The following WDFY3 variants were observed in gnomAD, a reference collection of about 807,000 sequenced individuals.
WDFY3 encodes the protein WD repeat and FYVE domain-containing protein 3.
Under a neutral mutation model 409.6 loss-of-function variants are expected in WDFY3, and 66 were observed. That is an observed-to-expected ratio of 0.16 (90% CI 0.13 to 0.20). The LOEUF (loss-of-function observed/expected upper bound fraction) is 0.20, where lower values mean the gene tolerates loss of function less well. Among genes scored for constraint, WDFY3 ranks in the 10% least tolerant of loss-of-function variants. The pLI is 1.00. For missense variants in WDFY3, 3,031 were observed against 4,298.1 expected, an observed-to-expected ratio of 0.71 and a Z score of 8.24; for synonymous variants, 1,521 against 1,537.1, an observed-to-expected ratio of 0.99 and a Z score of 0.25.
At chr4:84,797,922 TC>T in intron 18 of WDFY3, 73 bp downstream of exon 18, 1 of 1,359,016 alleles carries the variant, frequency 7.4e-7, no homozygotes, top group Non-Finnish European at 1.0e-6. Context: ...TTCACAAACT[TC>T]TTGAAATAAT....
intron 2 of WDFY3, among the ~76,000 whole-genome samples, chr4:84,910,108 TTTC>T (rs1384191983): frequency 6.6e-6 from 1 of 152,234 alleles, no homozygotes; most frequent in African/African-American, 2.4e-5. Context: ...GTACATATTT[TTTC>T]TTGTCATTAT....
chr4:84,705,912 C>G (rs1353580590), intron 53 of WDFY3, among the ~76,000 whole-genome samples: 1 of 152,166 alleles, frequency 6.6e-6, no homozygotes, highest in African/African-American at 2.4e-5. Flanking sequence ...GATCAGATCT[C>G]CCTTGTGTCC....
At chr4:84,798,531 C>T (rs554957999) in intron 17 of WDFY3, among the ~76,000 whole-genome samples, 3 of 152,148 alleles carry the variant, frequency 2.0e-5, no homozygotes, top group Non-Finnish European at 2.9e-5. Context: ...TTAAGAAGAA[C>T]CCCAACTCAA....
At position 84,718,402 on chromosome 4, in the gene WDFY3, C is replaced by T. The variant is rs750098050; in HGVS notation, c.7754+20G>A. The T allele has an allele frequency of 3.3e-5, 53 of 1,605,280 alleles. No individual in the cohort carries two copies. The South Asian group carries it at 5.3e-4, about 16-fold the overall frequency. On this transcript the variant is annotated intron_variant, in intron 48 of 67. Transcript: ENST00000295888. ...TTCTAAAGATAGCCATACATTATGT[C>T]TCTTCATTCATTTACTTACTTTGGA...
At chr4:84,899,000 G>A (rs1420390786) in intron 2 of WDFY3, among the ~76,000 whole-genome samples, 2 of 152,148 alleles carry the variant, frequency 1.3e-5, no homozygotes, top group Admixed American at 6.5e-5. Context: ...GTTTGGCATT[G>A]AAACAAAGTC....
At chr4:84,753,551 C>G (rs1560669281) in intron 35 of WDFY3, 146 bp downstream of exon 35, 1 of 889,376 alleles carries the variant, frequency 1.1e-6, no homozygotes, top group Non-Finnish European at 1.5e-6. Flanking sequence ...GACAATAATG[C>G]AAGAGGTGAT....
At position 84,831,504 on chromosome 4, in the gene WDFY3, G is replaced by C. The variant is rs1480254168; in HGVS notation, c.678C>G (p.Pro226=). 3 of 1,613,974 alleles carry C rather than the reference G, an allele frequency of 1.9e-6. No homozygotes were observed. The highest frequency in any genetic ancestry group is 2.5e-6 in the Non-Finnish European group (3 of 1,179,984). Residue 226 remains proline (P), a synonymous_variant, in exon 8 of 68, where the codon CCC becomes CCG. Transcript: ENST00000295888. The part of the protein sequence containing the change: ...LFSAITSWCP[P]YNLPWRKSAG... Reference sequence around the variant, plus strand: ...CACTCTTTCTCCAAGGCAGGTTATAGGGAGGGCACCAAGAGGTTATTGCAC... The same window carrying C: ...CACTCTTTCTCCAAGGCAGGTTATACGGAGGGCACCAAGAGGTTATTGCAC...
At chr4:84,927,926 C>T (rs1770220048) in intron 2 of WDFY3, among the ~76,000 whole-genome samples, 1 of 152,220 alleles carries the variant, frequency 6.6e-6, no homozygotes, top group African/African-American at 2.4e-5. Context: ...CTTCAGCAGG[C>T]ATTGAGCTCA....
chr4:84,896,526 A>G (rs1765662008), intron 3 of WDFY3, among the ~76,000 whole-genome samples: 1 of 152,168 alleles, frequency 6.6e-6, no homozygotes, highest in African/African-American at 2.4e-5. Flanking sequence ...GAAATTTAAT[A>G]TATGCATGGG....
intron 64 of WDFY3, among the ~76,000 whole-genome samples, chr4:84,679,957 C>A (rs574453358): frequency 6.6e-6 from 1 of 151,846 alleles, no homozygotes; most frequent in East Asian, 1.9e-4. Flanking sequence ...GTGGCATGAT[C>A]TTGGCTCATT....
chr4:84,723,195 C>T (rs1413787707), intron 46 of WDFY3, among the ~76,000 whole-genome samples: 1 of 152,188 alleles, frequency 6.6e-6, no homozygotes, highest in African/African-American at 2.4e-5. Flanking sequence ...AGGCTTTAAT[C>T]TCTGTTCAAC....
intron 62 of WDFY3, 154 bp downstream of exon 62, chr4:84,687,932 T>C (rs1728601786): frequency 2.6e-6 from 2 of 783,028 alleles, no homozygotes; most frequent in South Asian, 3.4e-5. Flanking sequence ...GTATAGTGCC[T>C]ACAGCCCAGA....
intron 3 of WDFY3, among the ~76,000 whole-genome samples, chr4:84,893,156 C>G (rs1314760777): frequency 6.6e-6 from 1 of 152,216 alleles, no homozygotes; most frequent in Non-Finnish European, 1.5e-5. Context: ...TTTCCATCAA[C>G]TGAGACCAAG....
In WDFY3 at chr4:84,689,755, T is replaced by G. The variant is rs1019844899; in HGVS notation, c.9363+751A>C. On this transcript the variant is annotated intron_variant, in intron 61 of 67. Transcript: ENST00000295888. ...TCAGGGGTAAAATGGGGCTAATAAC[T>G]ACCTTGTAGAATTGTGTCGACTAGA... Among the ~76,000 whole-genome samples the G allele has an allele frequency of 2.6e-5, 4 of 152,332 alleles. No individual in the cohort carries two copies. The East Asian group carries it at 7.7e-4, about 29-fold the overall frequency.
rs186769381 is a variant in WDFY3 at position 84,906,951 on chromosome 4, G to A, written c.-131-9941C>T. Among the ~76,000 whole-genome samples, 5 of 151,886 alleles carry A rather than the reference G, an allele frequency of 3.3e-5. No homozygotes were observed. The East Asian group carries it at 9.7e-4, about 29-fold the overall frequency. On this transcript the variant is annotated intron_variant, in intron 2 of 67. Transcript: ENST00000295888. The stretch of plus-strand genomic sequence containing the variant: ...CAATGTAAATCCTATGTAAATTTTT[G>A]TTATACTGTATTTTCAAATATAAAA...
intron 12 of WDFY3, among the ~76,000 whole-genome samples, chr4:84,817,934 C>A (rs1454154529): frequency 1.3e-5 from 2 of 151,978 alleles, no homozygotes; most frequent in Admixed American, 1.3e-4. Flanking sequence ...GGAACAATAG[C>A]CTAAATAAAG....
chr4:84,710,257 A>G (rs1732662056), intron 51 of WDFY3, among the ~76,000 whole-genome samples: 1 of 152,208 alleles, frequency 6.6e-6, no homozygotes, highest in Non-Finnish European at 1.5e-5. Flanking sequence ...CTGAAATATT[A>G]TATAATATTC....
intron 19 of WDFY3, 111 bp downstream of exon 19, chr4:84,796,410 A>C (rs1749450998): frequency 1.7e-6 from 1 of 594,484 alleles, no homozygotes; most frequent in Admixed American, 4.2e-5. Context: ...AAAAAATATT[A>C]AGTATGGTAA....
At chr4:84,942,787 A>C (rs1772310767) in intron 1 of WDFY3, among the ~76,000 whole-genome samples, 1 of 151,978 alleles carries the variant, frequency 6.6e-6, no homozygotes, top group Non-Finnish European at 1.5e-5. Flanking sequence ...GAATTGTGAG[A>C]GTTCTTTATA....
Sources: gnomAD v4.1 joint callset for allele counts (sites outside exome capture counted in the v4.1 genomes callset) on GRCh38, gnomAD v4.1.1 for gene constraint, MANE v1.5 for transcripts, NCBI Gene and HGNC (gene_info 2026-07-23, HGNC 2026-07-21) for gene names.